The following CD96 variants were observed in gnomAD, a reference collection of about 807,000 sequenced individuals.
The protein encoded by CD96 is T-cell surface protein tactile.
A neutral mutation model predicts 71.3 loss-of-function variants in CD96; 70 were observed. The observed-to-expected ratio is 0.98, with a 90% confidence interval of 0.81 to 1.20. The LOEUF (loss-of-function observed/expected upper bound fraction) is 1.20. Among genes scored for constraint, CD96 ranks in the 50% most tolerant of loss-of-function variants. The probability of loss-of-function intolerance (pLI) is 0.00; values close to 1 mark genes in which losing one functional copy is unlikely to be tolerated. For missense variants in CD96, 742 were observed against 677.5 expected, an observed-to-expected ratio of 1.10 and a Z score of -1.06; for synonymous variants, 248 against 233.0, an observed-to-expected ratio of 1.06 and a Z score of -0.59.
chr3:111,643,381 T>C (rs147671423), intron 12 of CD96, among the ~76,000 whole-genome samples: 14,251 of 152,130 alleles, frequency 0.094, 933 homozygotes, highest in Non-Finnish European at 0.14. Context: ...CAATACTGAA[T>C]GGGGAAAAGA....
Position 111,600,950 on chromosome 3 carries a change from G to T in CD96, c.1087+36G>T, listed in dbSNP as rs753811168. ...TATTTAATAAGATCAACAAGAGTTT[G>T]CTAAGACTGCCATAAATTCAAAATA... On this transcript the variant is annotated intron_variant, in intron 7 of 13. Transcript: ENST00000352690. The T allele has an allele frequency of 4.7e-6, 6 of 1,277,306 alleles. No individual in the cohort carries two copies. The South Asian group carries it at 7.2e-5, about 15-fold the overall frequency. 79.1% of individuals were successfully genotyped at this position (1,277,306 alleles called of 1,614,324 possible).
At chr3:111,555,309 T>A (rs1005069080) in intron 2 of CD96, among the ~76,000 whole-genome samples, 2 of 152,294 alleles carry the variant, frequency 1.3e-5, no homozygotes, top group Non-Finnish European at 2.9e-5. Context: ...CTCACGTATT[T>A]ACCATTTTTT....
chr3:111,589,903 C>G (rs80205667), intron 5 of CD96, among the ~76,000 whole-genome samples: 3 of 152,128 alleles, frequency 2.0e-5, no homozygotes, highest in African/African-American at 7.2e-5. Context: ...TTAACCTCCA[C>G]GAGCCTCAGC....
chr3:111,634,150 C>T (rs916176852), intron 10 of CD96: 3 of 152,658 alleles, frequency 2.0e-5, no homozygotes, highest in African/African-American at 7.2e-5. Context: ...ATATGATTGA[C>T]AACTATAAAC....
chr3:111,627,340 A>G (rs1360503402), intron 10 of CD96, among the ~76,000 whole-genome samples: 1 of 152,236 alleles, frequency 6.6e-6, no homozygotes, highest in Non-Finnish European at 1.5e-5. Flanking sequence ...GGAACAGAGC[A>G]GAGGCAGTTC....
At chr3:111,591,237 G>A (rs557969557) in intron 5 of CD96, among the ~76,000 whole-genome samples, 1 of 152,034 alleles carries the variant, frequency 6.6e-6, no homozygotes, top group Non-Finnish European at 1.5e-5. Context: ...GCTGGGCGTG[G>A]TGGCACGCAC....
intron 3 of CD96, among the ~76,000 whole-genome samples, chr3:111,575,778 A>T (rs150065456): frequency 2.2e-4 from 34 of 152,376 alleles, no homozygotes; most frequent in African/African-American, 8.2e-4. Context: ...CTTTGTCCTC[A>T]CATGGCAGAA....
At chr3:111,631,605 A>G (rs1227128559) in intron 10 of CD96, among the ~76,000 whole-genome samples, 1 of 151,938 alleles carries the variant, frequency 6.6e-6, no homozygotes, top group African/African-American at 2.4e-5. Flanking sequence ...CCATTAAACT[A>G]CCATTGACAT....
rs1576369720 is a variant in CD96, at chr3:111,598,025, C to T, written c.808-95C>T. On this transcript the variant is annotated intron_variant, in intron 5 of 13. Coordinates refer to ENST00000352690, the MANE Select transcript of CD96 (RefSeq NM_005816.5). ...ATTTATTCAGTTAAAAATGGAGAAACTCTTTTTTGCCAACTTATATGAATG... is the reference window on the plus strand; with the variant it reads ...ATTTATTCAGTTAAAAATGGAGAAATTCTTTTTTGCCAACTTATATGAATG... The T allele has an allele frequency of 6.8e-6, 5 of 736,766 alleles. No homozygotes were observed. The East Asian group carries it at 1.2e-4, about 18-fold the overall frequency. The allele number at this position is 736,766 out of a possible 1,614,324, so 45.6% of individuals were successfully genotyped here. A position where few individuals can be genotyped will look rare whatever the true frequency, so the allele number is the denominator to read the frequency against.
intron 5 of CD96, chr3:111,593,591 C>T (rs561192127): frequency 4.7e-5 from 73 of 1,549,794 alleles, no homozygotes; most frequent in South Asian, 4.4e-4. Context: ...CTCTTTCTCC[C>T]GCTGGCATGC....
chr3:111,543,392 C>T (rs1000965492), intron 1 of CD96, among the ~76,000 whole-genome samples: 5 of 152,084 alleles, frequency 3.3e-5, no homozygotes, highest in Non-Finnish European at 5.9e-5. Context: ...GAAAGAGACT[C>T]TACTTATGTC....
intron 7 of CD96, 28 bp from the exon 8 acceptor site, chr3:111,606,672 A>G (rs772907165): frequency 1.9e-6 from 2 of 1,072,168 alleles, no homozygotes; most frequent in Non-Finnish European, 2.9e-6. Flanking sequence ...TATTTTGTTC[A>G]TTATAAATCT....
Position 111,638,151 on chromosome 3 carries a change from A to T in CD96, c.1460A>T (p.Asn487Ile). The T allele has an allele frequency of 1.9e-6, 3 of 1,595,896 alleles. No individual in the cohort carries two copies. In the South Asian group the frequency reaches 3.3e-5, roughly 18 times the overall value. ...ACTGCCAATGGATCTACGAAAACTA[A>T]TCACGTCCATATCACTGGTAAGTCA... is the stretch of plus-strand genomic sequence containing the variant. ...PTTANGSTKT[N>I]HVHITGIVVN... Residue 487 changes from asparagine to isoleucine, a missense_variant, in exon 12 of 14, where the codon AAT (asparagine) becomes ATT (isoleucine). Coordinates refer to ENST00000352690, the MANE Select transcript of CD96 (RefSeq NM_005816.5).
At chr3:111,661,792 T>C (rs1041439159) in intron 14 of CD96, among the ~76,000 whole-genome samples, 2 of 152,228 alleles carry the variant, frequency 1.3e-5, no homozygotes, top group African/African-American at 2.4e-5. Context: ...CAGGCCATCA[T>C]TGAGTGCCTG....
intron 5 of CD96, among the ~76,000 whole-genome samples, chr3:111,586,063 C>T (rs1346655451): frequency 6.6e-6 from 1 of 152,104 alleles, no homozygotes; most frequent in African/African-American, 2.4e-5. Context: ...AGTATCTTCA[C>T]ATTGTTGCTG....
chr3:111,595,959 C>T (rs1047943263), intron 5 of CD96, among the ~76,000 whole-genome samples: 4 of 151,816 alleles, frequency 2.6e-5, no homozygotes, highest in African/African-American at 7.3e-5. Context: ...GTCAGGAGAT[C>T]GTGGCCAGCT....
At chr3:111,574,830 C>T (rs147986139) in intron 3 of CD96, among the ~76,000 whole-genome samples, 1,976 of 151,704 alleles carry the variant, frequency 0.013, 42 homozygotes, top group African/African-American at 0.044. Flanking sequence ...CTGCCCAGGC[C>T]GGAGTGCAGT....
At chr3:111,568,736 A>C (rs1935839111) in intron 3 of CD96, among the ~76,000 whole-genome samples, 1 of 152,220 alleles carries the variant, frequency 6.6e-6, no homozygotes, top group Non-Finnish European at 1.5e-5. Context: ...CATAACACGT[A>C]AACAAAATCA....
rs917001563 is a variant in CD96 at position 111,650,869 on chromosome 3, C to G, written c.*1063C>G. 2 of 152,204 alleles carry G rather than the reference C, an allele frequency of 1.3e-5. No homozygotes were observed. The highest frequency in any genetic ancestry group is 2.9e-5 in the Non-Finnish European group (2 of 68,048). The allele number at this position is 152,204 out of a possible 1,614,324, so 9.4% of individuals were successfully genotyped here. On this transcript the variant is annotated 3_prime_UTR_variant, in exon 14 of 14. Transcript: ENST00000352690. ...AATAAATTACTAATCCTCCTTGTCG[C>G]TTGAAACCTTCCCACACTCCCTGCT... is the stretch of plus-strand genomic sequence containing the variant.
Sources: allele counts gnomAD v4.1 joint callset (sites outside exome capture counted in the v4.1 genomes callset), GRCh38; gene constraint gnomAD v4.1.1; transcripts MANE v1.5; gene names NCBI Gene and HGNC (gene_info 2026-07-23, HGNC 2026-07-21).